Variants in SETDB1 observed in about 807,000 individuals in gnomAD.
The protein encoded by SETDB1 is SET domain bifurcated histone lysine methyltransferase 1.
SETDB1 carries 31 observed loss-of-function variants against 137.4 expected under a neutral mutation model. That is an observed-to-expected ratio of 0.23 (90% CI 0.17 to 0.30). The LOEUF (loss-of-function observed/expected upper bound fraction) is 0.30, where lower values mean the gene tolerates loss of function less well. Ranked by LOEUF, SETDB1 falls within the 10% of genes least tolerant of loss-of-function variation. SETDB1 has a pLI of 1.00. For synonymous variants in SETDB1, 548 were observed against 579.9 expected (o/e 0.95, Z 0.79); for missense variants, 1,113 against 1,631.5 (o/e 0.68, Z 5.47).
rs372956009 is a variant in SETDB1 at position 150,961,088 on chromosome 1, G to C, written c.3029G>C (p.Gly1010Ala). Residue 1010 changes from glycine to alanine, a missense_variant, in exon 16 of 22, where the codon GGT (glycine) becomes GCT (alanine). Coordinates refer to ENST00000692827, the MANE Select transcript of SETDB1 (RefSeq NM_001366418.1). ...DSHSSFKTNE[G>A]GEGRAGGSRM... is the part of the protein sequence containing the mutation. ...CATTCATCCTTCAAGACTAATGAAGGTGGGGAGGGCCGGGCTGGGGGAAGC... is the reference window on the plus strand; with the variant it reads ...CATTCATCCTTCAAGACTAATGAAGCTGGGGAGGGCCGGGCTGGGGGAAGC... 8.1e-6 allele frequency: 13 copies of C among 1,613,610 alleles called. No homozygotes were observed. The highest frequency in any genetic ancestry group is 1.1e-5 in the Non-Finnish European group (13 of 1,179,740).
At chr1:150,959,091 G>A (rs1426231204) in intron 14 of SETDB1, 87 bp from the exon 15 acceptor site, 22 of 934,636 alleles carry the variant, frequency 2.4e-5, no homozygotes. Context: ...TATAAATGAT[G>A]ATAGCTTAAG....
intron 3 of SETDB1, among the ~76,000 whole-genome samples, chr1:150,930,609 A>G (rs587595915): frequency 7.4e-6 from 1 of 135,068 alleles, no homozygotes. Flanking sequence ...GCTCACTGCA[A>G]CCTCTGCCTC....
intron 1 of SETDB1, among the ~76,000 whole-genome samples, chr1:150,927,123 A>G (rs931353930): frequency 4.6e-5 from 7 of 152,140 alleles, no homozygotes; most frequent in Admixed American, 6.5e-5. Flanking sequence ...CCAAAAGATT[A>G]TTTTTAAAGT....
At chr1:150,951,799 AGAG>A (rs1299183173) in intron 14 of SETDB1, among the ~76,000 whole-genome samples, 3 of 152,204 alleles carry the variant, frequency 2.0e-5, no homozygotes, top group African/African-American at 7.2e-5. Context: ...ATGTGTTCAG[AGAG>A]GAGAAGTAGG....
At chr1:150,951,240 AG>A in intron 13 of SETDB1, 124 bp from the exon 14 acceptor site, 1 of 1,121,640 alleles carries the variant, frequency 8.9e-7, no homozygotes, top group Non-Finnish European at 1.3e-6. Context: ...CCTCCATGAA[AG>A]CTATGAGGTA....
At chr1:150,952,700 A>G (rs1670524719) in intron 14 of SETDB1, among the ~76,000 whole-genome samples, 1 of 151,688 alleles carries the variant, frequency 6.6e-6, no homozygotes, top group South Asian at 2.1e-4. Context: ...ACCAACATGG[A>G]GAAATCCCGT....
intron 3 of SETDB1, among the ~76,000 whole-genome samples, chr1:150,937,714 C>G (rs1456281786): frequency 7.2e-5 from 11 of 152,140 alleles, no homozygotes; most frequent in Non-Finnish European, 4.4e-5. Flanking sequence ...AAAGGTTAAA[C>G]ATAGAATTAC....
At position 150,964,517 on chromosome 1, in the gene SETDB1, C is replaced by G. The variant is rs1423090354; in HGVS notation, c.*153C>G. 1 of 713,676 alleles carries G rather than the reference C, an allele frequency of 1.4e-6. No homozygotes were observed. The highest frequency in any genetic ancestry group is 1.5e-5 in the South Asian group (1 of 67,684). The allele number at this position is 713,676 out of a possible 1,614,324, so 44.2% of individuals were successfully genotyped here. ...GGGGTTCTGGACCAGATGATCCCTT[C>G]CAATGTGGTGCTAGCAGGCAGGATC... is the stretch of plus-strand genomic sequence containing the variant. On this transcript the variant is annotated 3_prime_UTR_variant, in exon 22 of 22. Transcript: ENST00000692827.
chr1:150,928,108 A>C (rs770596283), intron 2 of SETDB1, 134 bp downstream of exon 2: 9 of 1,005,776 alleles, frequency 8.9e-6, no homozygotes, highest in Non-Finnish European at 1.3e-5. Context: ...CCCAAGCTAG[A>C]GTGCAGTGGA....
At chr1:150,935,101 G>T (rs587759420) in intron 3 of SETDB1, among the ~76,000 whole-genome samples, 1 of 152,234 alleles carries the variant, frequency 6.6e-6, no homozygotes, top group Non-Finnish European at 1.5e-5. Flanking sequence ...GATTACAGGC[G>T]TGAGCCACTG....
intron 16 of SETDB1, chr1:150,961,846 T>C: frequency 2.2e-6 from 1 of 458,916 alleles, no homozygotes; most frequent in Non-Finnish European, 3.9e-6. Context: ...TTGATGATTA[T>C]GCTGCTTTCC....
At chr1:150,943,117 C>A in intron 7 of SETDB1, 64 bp downstream of exon 7, 1 of 1,157,158 alleles carries the variant, frequency 8.6e-7, no homozygotes, top group Non-Finnish European at 1.3e-6. Context: ...CTGTTCGTGC[C>A]ATAGACCAGA....
chr1:150,933,336 A>G (rs1215764925), intron 3 of SETDB1, among the ~76,000 whole-genome samples: 1 of 147,942 alleles, frequency 6.8e-6, no homozygotes, highest in East Asian at 2.0e-4. Flanking sequence ...CTGGGATTAT[A>G]GGCCTTAGCT....
chr1:150,948,980 A>G (rs1468177861), intron 10 of SETDB1, 142 bp from the exon 11 acceptor site: 2 of 837,706 alleles, frequency 2.4e-6, no homozygotes, highest in East Asian at 2.6e-5. Flanking sequence ...CGGCCTCCCA[A>G]ACTGCTGGGA....
chr1:150,932,291 T>C (rs1305104729), intron 3 of SETDB1, among the ~76,000 whole-genome samples: 1 of 151,956 alleles, frequency 6.6e-6, no homozygotes. Flanking sequence ...TATTGGTTTA[T>C]AGTTCTGTTG....
At chr1:150,950,340 T>C (rs1367104386) in intron 12 of SETDB1, 118 bp from the exon 13 acceptor site, 3 of 884,402 alleles carry the variant, frequency 3.4e-6, no homozygotes, top group Non-Finnish European at 5.3e-6. Flanking sequence ...GAATCATCTT[T>C]AGCTTCAGGA....
intron 3 of SETDB1, 32 bp from the exon 4 acceptor site, chr1:150,939,908 C>G: frequency 6.3e-7 from 1 of 1,582,282 alleles, no homozygotes; most frequent in Non-Finnish European, 8.6e-7. Context: ...GTGTAAGTCT[C>G]TGACACTCAT....
intron 9 of SETDB1, among the ~76,000 whole-genome samples, chr1:150,946,243 T>A (rs1029106850): frequency 1.3e-5 from 2 of 151,762 alleles, no homozygotes; most frequent in South Asian, 4.2e-4. Context: ...GGTCTCGAAC[T>A]CCTGAGCTCA....
chr1:150,954,847 A>C (rs587620051), intron 14 of SETDB1, among the ~76,000 whole-genome samples: 1 of 152,272 alleles, frequency 6.6e-6, no homozygotes, highest in South Asian at 2.1e-4. Flanking sequence ...CCTTCTCAGA[A>C]AGTTTCTGGA....
Sources: gnomAD v4.1 joint callset for allele counts (sites outside exome capture counted in the v4.1 genomes callset) on GRCh38, gnomAD v4.1.1 for gene constraint, MANE v1.5 for transcripts, NCBI Gene and HGNC (gene_info 2026-07-23, HGNC 2026-07-21) for gene names.